The following NEDD4 variants were observed in gnomAD, a reference collection of about 807,000 sequenced individuals.
NEDD4 encodes E3 ubiquitin-protein ligase NEDD4.
NEDD4 carries 99 observed loss-of-function variants against 144.9 expected under a neutral mutation model. The ratio of observed to expected loss-of-function variants is 0.68; its 90% CI spans 0.58 to 0.81. The LOEUF (loss-of-function observed/expected upper bound fraction) is 0.81. Ranked by LOEUF, NEDD4 falls within the 30% of genes least tolerant of loss-of-function variation. The pLI is 0.00. For synonymous variants in NEDD4, 318 were observed against 350.6 expected, an observed-to-expected ratio of 0.91 and a Z score of 1.04; for missense variants, 985 against 1,065.9, an observed-to-expected ratio of 0.92 and a Z score of 1.06.
Position 55,850,542 on chromosome 15 carries a change from C to T in NEDD4, c.1347G>A (p.Trp449Ter), listed in dbSNP as rs1323208985. ...FIDHNTKTTT[W>*]EDPRLKIPAH... ...TTAAATGGAAAAGTATCAAAGTTAC[C>T]CAGGTGGTGGTTTTAGTGTTGTGGT... is the stretch of plus-strand genomic sequence containing the variant. Residue 449 changes from tryptophan (W) to a stop codon, truncating the protein, a stop_gained and splice_region_variant, in exon 14 of 29, where the codon TGG becomes TGA. Transcript: ENST00000435532. LOFTEE classifies it high-confidence loss of function. 1.9e-6 allele frequency: 3 copies of T among 1,613,338 alleles called. No individual in the cohort carries two copies. Among genetic ancestry groups the T allele is most frequent in the African/African-American group, 1.3e-5 (1 of 74,814 alleles).
intron 2 of NEDD4, among the ~76,000 whole-genome samples, chr15:55,954,716 A>ATTTCTCTGTG (rs1309993559): frequency 6.6e-6 from 1 of 151,926 alleles, no homozygotes; most frequent in Non-Finnish European, 1.5e-5. Context: ...TAGAGATGGC[A>ATTTCTCTGTG]TTTCTCTGTG....
chr15:55,944,116 T>C (rs2089636), intron 4 of NEDD4, among the ~76,000 whole-genome samples: 46,077 of 152,138 alleles, frequency 0.3, 7,128 homozygotes, highest in South Asian at 0.38. Context: ...AGGTGCCTGG[T>C]TCATCTCATT....
rs1178440189 is a variant in NEDD4, at chr15:55,948,292, T to G, written c.237+3084A>C. Among the ~76,000 whole-genome samples, 33 of 152,074 alleles carry G rather than the reference T, an allele frequency of 2.2e-4. 2 individuals carry two copies. Among genetic ancestry groups the G allele is most frequent in the Admixed American group, 4.6e-4 (7 of 15,268 alleles). On this transcript the variant is annotated intron_variant, in intron 4 of 28. Coordinates refer to ENST00000435532, the MANE Select transcript of NEDD4 (RefSeq NM_006154.4). ...GAGAACTACTCAAACTACTGCTCAA[T>G]GAAATAAAAGAGGACACAAACAAAT...
intron 24 of NEDD4, 116 bp from the exon 25 acceptor site, chr15:55,834,402 C>A (rs552676984): frequency 4.7e-6 from 3 of 642,274 alleles, no homozygotes; most frequent in Non-Finnish European, 8.2e-6. Flanking sequence ...TACCACTACA[C>A]AATCACGGGC....
At chr15:55,909,072 C>T (rs1271889433) in intron 5 of NEDD4, among the ~76,000 whole-genome samples, 3 of 152,034 alleles carry the variant, frequency 2.0e-5, no homozygotes, top group African/African-American at 7.3e-5. Flanking sequence ...AAAATGTTTC[C>T]TAGTGTTATG....
chr15:55,882,423 G>A (rs1595792128), intron 5 of NEDD4, among the ~76,000 whole-genome samples: 1 of 152,130 alleles, frequency 6.6e-6, no homozygotes, highest in African/African-American at 2.4e-5. Context: ...TTGTCACAGT[G>A]GAAAGCAACA....
rs968349507 is a variant in NEDD4 at position 55,867,285 on chromosome 15, T to C, written c.507+2294A>G. Among the ~76,000 whole-genome samples, 4 of 152,174 alleles carry C rather than the reference T, an allele frequency of 2.6e-5. No homozygotes were observed. The East Asian group carries it at 7.7e-4, about 29-fold the overall frequency. On this transcript the variant is annotated intron_variant, in intron 8 of 28. Transcript: ENST00000435532. ...GGTAAATAAGCACAGATTCATGTGT[T>C]TGAATTCCTAGGGCCTTTCATAAAT...
At chr15:55,973,136 C>T (rs79318015) in intron 1 of NEDD4, among the ~76,000 whole-genome samples, 2,968 of 152,292 alleles carry the variant, frequency 0.019, 110 homozygotes, top group African/African-American at 0.068. Flanking sequence ...CCAAATGGAC[C>T]TAATAGATAT....
intron 18 of NEDD4, among the ~76,000 whole-genome samples, chr15:55,843,382 G>A (rs79648825): frequency 2.0e-5 from 3 of 152,202 alleles, no homozygotes; most frequent in South Asian, 2.1e-4. Flanking sequence ...GAAAGTCTTA[G>A]CTCCTGAGTC....
At chr15:55,898,694 G>A (rs1287609363) in intron 5 of NEDD4, among the ~76,000 whole-genome samples, 1 of 143,134 alleles carries the variant, frequency 7.0e-6, no homozygotes. Flanking sequence ...TAAATACAGT[G>A]GCACAATCGT....
At chr15:55,853,420 T>C (rs2034071287) in intron 12 of NEDD4, among the ~76,000 whole-genome samples, 1 of 152,164 alleles carries the variant, frequency 6.6e-6, no homozygotes, top group Non-Finnish European at 1.5e-5. Flanking sequence ...TACTGGTGAG[T>C]AAACAGAAGC....
At chr15:55,893,248 G>A (rs1203078188) in intron 5 of NEDD4, among the ~76,000 whole-genome samples, 1 of 151,980 alleles carries the variant, frequency 6.6e-6, no homozygotes. Flanking sequence ...TCTTCACAGA[G>A]CTGTATTAAA....
intron 4 of NEDD4, among the ~76,000 whole-genome samples, 185 bp from the exon 5 acceptor site, chr15:55,924,884 A>G (rs2036633907): frequency 6.6e-6 from 1 of 152,178 alleles, no homozygotes; most frequent in Non-Finnish European, 1.5e-5. Context: ...CCTGGCCAAC[A>G]TGGTGAAACC....
Position 55,829,654 on chromosome 15 carries a change from CTG to C in NEDD4, c.*241_*242del. On this transcript the variant is annotated 3_prime_UTR_variant, in exon 29 of 29. Transcript: ENST00000435532. ...ACTCTAAAGCCAGGTGTGGTGGTGC[CTG>C]GCTTTAGGCAGGCACCTAACTCTAA... The C allele has an allele frequency of 2.6e-6, 1 of 377,398 alleles. No homozygotes were observed. The highest frequency in any genetic ancestry group is 4.8e-6 in the Non-Finnish European group (1 of 208,274). The allele number at this position is 377,398 out of a possible 1,614,324, so 23.4% of individuals were successfully genotyped here.
intron 1 of NEDD4, among the ~76,000 whole-genome samples, chr15:55,985,503 C>T (rs2037875655): frequency 6.6e-6 from 1 of 152,132 alleles, no homozygotes; most frequent in Non-Finnish European, 1.5e-5. Context: ...GCTGAAGTGG[C>T]AGAGGAGATG....
At chr15:55,925,365 A>G (rs549402544) in intron 4 of NEDD4, among the ~76,000 whole-genome samples, 1 of 152,310 alleles carries the variant, frequency 6.6e-6, no homozygotes, top group South Asian at 2.1e-4. Flanking sequence ...GCTTTTTATT[A>G]ATCAGTTTAG....
At chr15:55,937,399 A>C (rs2036915188) in intron 4 of NEDD4, among the ~76,000 whole-genome samples, 1 of 152,206 alleles carries the variant, frequency 6.6e-6, no homozygotes, top group Non-Finnish European at 1.5e-5. Context: ...CTTTGCACAG[A>C]AGATATTTCA....
chr15:55,949,025 G>A (rs1359845682), intron 4 of NEDD4, among the ~76,000 whole-genome samples: 1 of 152,102 alleles, frequency 6.6e-6, no homozygotes, highest in Non-Finnish European at 1.5e-5. Context: ...GCAACCTATA[G>A]AATGGGAGAA....
intron 28 of NEDD4, 80 bp from the exon 29 acceptor site, chr15:55,830,079 T>C: frequency 2.1e-6 from 2 of 963,140 alleles, no homozygotes; most frequent in Non-Finnish European, 3.2e-6. Flanking sequence ...AATGCTGCTA[T>C]TCTTGATGAG....
Sources: allele counts gnomAD v4.1 joint callset (sites outside exome capture counted in the v4.1 genomes callset), GRCh38; gene constraint gnomAD v4.1.1; transcripts MANE v1.5; gene names NCBI Gene and HGNC (gene_info 2026-07-23, HGNC 2026-07-21).